Variants in PTGER4 observed in about 807,000 individuals in gnomAD.
PTGER4 encodes prostaglandin E2 receptor EP4 subtype.
A neutral mutation model predicts 33.2 loss-of-function variants in PTGER4; 11 were observed. The observed-to-expected ratio is 0.33, with a 90% CI of 0.21 to 0.55. The LOEUF is 0.55. Among genes scored for constraint, PTGER4 ranks in the 20% least tolerant of loss-of-function variants. PTGER4 has a pLI of 0.92. For synonymous variants in PTGER4, 275 were observed against 281.5 expected (o/e 0.98, Z 0.23); for missense variants, 481 against 650.2 (o/e 0.74, Z 2.83).
At chr5:40,690,796 A>G (rs906711617) in intron 2 of PTGER4, among the ~76,000 whole-genome samples, 2 of 152,096 alleles carry the variant, frequency 1.3e-5, no homozygotes, top group Non-Finnish European at 2.9e-5. Flanking sequence ...CTTTTGGGGG[A>G]AAAAAGTTAC....
At chr5:40,734,892 C>A in the PTGER4 span, among the ~76,000 whole-genome samples, 75 of 152,130 alleles carry the variant, frequency 4.9e-4, no homozygotes, top group Non-Finnish European at 1.8e-4. Context: ...TGATAAAAGA[C>A]AAATGGAGGA....
the PTGER4 span, among the ~76,000 whole-genome samples, chr5:40,733,874 G>T: frequency 5.1e-4 from 78 of 152,076 alleles, no homozygotes; most frequent in Non-Finnish European, 6.6e-4. Context: ...TATTAGGCAG[G>T]TATGCATGTG....
chr5:40,697,662 G>C (rs1008659644), downstream of PTGER4, among the ~76,000 whole-genome samples: 1 of 144,832 alleles, frequency 6.9e-6, no homozygotes, highest in East Asian at 2.1e-4. Context: ...AAAATCAAAG[G>C]GAGTGTTATA....
At chr5:40,735,829 G>A in the PTGER4 span, among the ~76,000 whole-genome samples, 5 of 152,148 alleles carry the variant, frequency 3.3e-5, no homozygotes, top group East Asian at 9.6e-4. Flanking sequence ...GAGAAGTGAT[G>A]ACTGGATTTG....
chr5:40,701,615 A>T, the PTGER4 span, among the ~76,000 whole-genome samples: 1 of 152,220 alleles, frequency 6.6e-6, no homozygotes, highest in Non-Finnish European at 1.5e-5. Flanking sequence ...ATATTTCAGG[A>T]TATCATCTAC....
At chr5:40,704,715 A>G in the PTGER4 span, among the ~76,000 whole-genome samples, 1 of 152,184 alleles carries the variant, frequency 6.6e-6, no homozygotes, top group South Asian at 2.1e-4. Flanking sequence ...CAGAAAAGCA[A>G]TCCCATTCAC....
the PTGER4 span, among the ~76,000 whole-genome samples, chr5:40,717,906 C>CA: frequency 2.0e-5 from 3 of 151,884 alleles, no homozygotes; most frequent in East Asian, 3.9e-4. Context: ...ACTAAAAATA[C>CA]AAAAAATTAG....
the PTGER4 span, among the ~76,000 whole-genome samples, chr5:40,736,567 T>C: frequency 5.3e-5 from 8 of 152,122 alleles, no homozygotes; most frequent in Non-Finnish European, 1.5e-5. Flanking sequence ...TTTGTAATAA[T>C]TCTAGAAAAA....
At chr5:40,707,664 C>T in the PTGER4 span, among the ~76,000 whole-genome samples, 3 of 152,318 alleles carry the variant, frequency 2.0e-5, no homozygotes, top group African/African-American at 7.2e-5. Flanking sequence ...TTGAACTCAG[C>T]TCTGCACCAA....
At chr5:40,716,373 A>C in the PTGER4 span, 1 of 1,614,044 alleles carries the variant, frequency 6.2e-7, no homozygotes, top group East Asian at 2.2e-5. Flanking sequence ...CTGGTGCTTC[A>C]CTTTTTTTAA....
intron 2 of PTGER4, among the ~76,000 whole-genome samples, chr5:40,687,041 G>T (rs1480366025): frequency 6.6e-6 from 1 of 152,016 alleles, no homozygotes; most frequent in Non-Finnish European, 1.5e-5. Context: ...TTTTGTTTTT[G>T]TTTTTGTTTT....
the PTGER4 span, among the ~76,000 whole-genome samples, chr5:40,703,635 T>G: frequency 5.9e-5 from 9 of 152,030 alleles, no homozygotes; most frequent in Admixed American, 5.9e-4. Flanking sequence ...GGGCACGGTG[T>G]GGCTCACGCC....
At chr5:40,705,047 AG>A in the PTGER4 span, among the ~76,000 whole-genome samples, 1 of 152,230 alleles carries the variant, frequency 6.6e-6, no homozygotes. Flanking sequence ...ACAAAGCTGG[AG>A]GAATCACATT....
At chr5:40,699,814 A>C in the PTGER4 span, among the ~76,000 whole-genome samples, 1 of 152,310 alleles carries the variant, frequency 6.6e-6, no homozygotes, top group Non-Finnish European at 1.5e-5. Context: ...TGTTCAGACT[A>C]GTAAGGGAAC....
At chr5:40,711,604 T>C in the PTGER4 span, among the ~76,000 whole-genome samples, 1 of 152,096 alleles carries the variant, frequency 6.6e-6, no homozygotes, top group Non-Finnish European at 1.5e-5. Flanking sequence ...GCAGCTTTAT[T>C]CATAATAGAT....
Position 40,693,500 on chromosome 5 carries a change from GT to G in PTGER4, c.*1123del. On this transcript the variant is annotated 3_prime_UTR_variant, in exon 3 of 3. Transcript: ENST00000302472. ...CATTAGCCATTCATGTATGTCAGAA[GT>G]GCAGAATTGGGGCACTTAATGGTCA... 4.1e-6 allele frequency: 4 copies of G among 985,956 alleles called. No individual in the cohort carries two copies. Among genetic ancestry groups the G allele is most frequent in the Non-Finnish European group, 4.8e-6 (4 of 829,922 alleles). The allele number at this position is 985,956 out of a possible 1,614,324, so 61.1% of individuals were successfully genotyped here. A position where few individuals can be genotyped will look rare whatever the true frequency, so the allele number is the denominator to read the frequency against.
chr5:40,728,255 C>A, the PTGER4 span: 3 of 1,002,170 alleles, frequency 3.0e-6, no homozygotes, highest in East Asian at 6.3e-5. Context: ...CTGCACTGTA[C>A]CCTGGGTGAC....
the PTGER4 span, among the ~76,000 whole-genome samples, chr5:40,718,441 G>T: frequency 4.6e-5 from 7 of 150,976 alleles, no homozygotes; most frequent in Admixed American, 4.6e-4. Flanking sequence ...CACAGAGATA[G>T]GTATATAAAG....
At chr5:40,697,195 G>GAAAGA (rs1741619565), downstream of PTGER4, among the ~76,000 whole-genome samples, 1 of 128,704 alleles carries the variant, frequency 7.8e-6, no homozygotes, top group African/African-American at 3.0e-5. Context: ...AAGAAAGAAA[G>GAAAGA]AAAAGAAAGA....
Sources: allele counts gnomAD v4.1 joint callset (sites outside exome capture counted in the v4.1 genomes callset), GRCh38; gene constraint gnomAD v4.1.1; transcripts MANE v1.5; gene names NCBI Gene and HGNC (gene_info 2026-07-23, HGNC 2026-07-21).